Variants in MAGI2 observed in about 807,000 individuals in gnomAD.
MAGI2 encodes the protein membrane associated guanylate kinase, WW and PDZ domain containing 2, also known as membrane-associated guanylate kinase, WW and PDZ domain-containing protein 2.
Under a neutral mutation model 133.3 loss-of-function variants are expected in MAGI2, and 35 were observed. That is an observed-to-expected ratio of 0.26 (90% CI 0.20 to 0.35). The LOEUF is 0.35. Among genes scored for constraint, MAGI2 ranks in the 10% least tolerant of loss-of-function variants. MAGI2 has a pLI of 1.00. For missense variants in MAGI2, 1,636 were observed against 1,863.4 expected (o/e 0.88, Z 2.25); for synonymous variants, 729 against 710.6 (o/e 1.03, Z -0.41).
At chr7:79,319,627 A>G (rs1839017693) in intron 1 of MAGI2, among the ~76,000 whole-genome samples, 1 of 152,186 alleles carries the variant, frequency 6.6e-6, no homozygotes, top group Admixed American at 6.6e-5. Flanking sequence ...ATGACAAAGC[A>G]GAAAATATGA....
Position 78,622,735 on chromosome 7 carries a change from A to C in MAGI2, c.538+4385T>G, listed in dbSNP as rs139751445. On this transcript the variant is annotated intron_variant, in intron 3 of 21. Coordinates refer to ENST00000354212, the MANE Select transcript of MAGI2 (RefSeq NM_012301.4). ...GTTCCTCAGCTGTAGTTACAGGAAA[A>C]TCTGAAGATCCTGAGGTTTGAGAAC... Among the ~76,000 whole-genome samples, 280 of 152,164 alleles carry C rather than the reference A, an allele frequency of 1.8e-3. 2 individuals are homozygous for C. The highest frequency in any genetic ancestry group is 4.8e-3 in the African/African-American group (198 of 41,546).
intron 1 of MAGI2, among the ~76,000 whole-genome samples, chr7:79,083,814 G>A (rs1035769786): frequency 1.9e-4 from 29 of 151,332 alleles, no homozygotes; most frequent in African/African-American, 6.5e-4. Context: ...CTCTTTTTGG[G>A]GAGTTTTGTG....
chr7:79,154,832 C>T (rs1413700864), intron 1 of MAGI2, among the ~76,000 whole-genome samples: 8 of 152,150 alleles, frequency 5.3e-5, no homozygotes, highest in Non-Finnish European at 1.5e-5. Flanking sequence ...CTCTTTTACT[C>T]CTTTAAATGA....
intron 2 of MAGI2, among the ~76,000 whole-genome samples, chr7:78,665,233 T>G (rs562507005): frequency 1.1e-4 from 16 of 152,274 alleles, no homozygotes; most frequent in Admixed American, 9.8e-4. Flanking sequence ...ATCAAATTTT[T>G]TAAAAAGCTG....
intron 10 of MAGI2, among the ~76,000 whole-genome samples, chr7:78,209,083 G>A (rs963769516): frequency 3.7e-5 from 5 of 136,190 alleles, no homozygotes; most frequent in South Asian, 2.6e-4. Flanking sequence ...TTAGCCGGGC[G>A]TGGTGGCGGG....
chr7:78,644,629 T>C (rs1437949645), intron 2 of MAGI2, among the ~76,000 whole-genome samples: 1 of 152,068 alleles, frequency 6.6e-6, no homozygotes, highest in African/African-American at 2.4e-5. Context: ...ATATCAAAAT[T>C]AGTGGGATGT....
intron 1 of MAGI2, among the ~76,000 whole-genome samples, chr7:79,140,928 G>C (rs1036265436): frequency 2.6e-5 from 4 of 152,058 alleles, no homozygotes; most frequent in African/African-American, 9.7e-5. Context: ...CCTTTGGTTT[G>C]GTTATAGCAT....
At chr7:78,783,973 G>A (rs1318721074) in intron 2 of MAGI2, among the ~76,000 whole-genome samples, 1 of 152,108 alleles carries the variant, frequency 6.6e-6, no homozygotes, top group Non-Finnish European at 1.5e-5. Flanking sequence ...GACTGAGTCT[G>A]GGATATAGCC....
intron 9 of MAGI2, among the ~76,000 whole-genome samples, chr7:78,315,147 G>A (rs1256202134): frequency 2.0e-5 from 3 of 152,198 alleles, no homozygotes; most frequent in South Asian, 2.1e-4. Context: ...GTTTCCAAAT[G>A]TCCTAGTTAC....
intron 1 of MAGI2, among the ~76,000 whole-genome samples, chr7:79,150,903 T>G (rs951407109): frequency 3.9e-5 from 6 of 152,146 alleles, no homozygotes; most frequent in African/African-American, 1.2e-4. Context: ...TAAAATATCT[T>G]AAAATAAGTT....
At chr7:78,278,982 A>G (rs1054654911) in intron 9 of MAGI2, among the ~76,000 whole-genome samples, 2 of 152,198 alleles carry the variant, frequency 1.3e-5, no homozygotes, top group African/African-American at 4.8e-5. Context: ...TATTTATTAA[A>G]CTTATTGAAG....
intron 16 of MAGI2, among the ~76,000 whole-genome samples, chr7:78,144,697 G>C (rs1823113408): frequency 1.3e-5 from 2 of 152,044 alleles, no homozygotes; most frequent in Non-Finnish European, 2.9e-5. Context: ...GTGCCATCGT[G>C]GGGATTGTTG....
intron 6 of MAGI2, among the ~76,000 whole-genome samples, chr7:78,464,107 T>C (rs938859660): frequency 3.1e-4 from 47 of 152,142 alleles, no homozygotes; most frequent in Middle Eastern, 3.2e-3. Flanking sequence ...TTATCATAAT[T>C]ATTGCTATCT....
intron 20 of MAGI2, among the ~76,000 whole-genome samples, chr7:78,098,622 G>C (rs1427911892): frequency 6.6e-6 from 1 of 152,100 alleles, no homozygotes; most frequent in African/African-American, 2.4e-5. Flanking sequence ...CATAGCAGTG[G>C]AGTTGCTGAT....
At chr7:78,365,352 C>A (rs950723673) in intron 7 of MAGI2, among the ~76,000 whole-genome samples, 2 of 152,000 alleles carry the variant, frequency 1.3e-5, no homozygotes, top group African/African-American at 4.8e-5. Context: ...GGGATGGGTC[C>A]CAAAGCCTTG....
intron 1 of MAGI2, among the ~76,000 whole-genome samples, chr7:79,214,439 ATAT>A (rs1829824767): frequency 7.9e-6 from 1 of 125,886 alleles, no homozygotes; most frequent in African/African-American, 3.0e-5. Flanking sequence ...ATATATATAT[ATAT>A]AAATATGCAC....
chr7:78,543,401 T>C (rs1238546673), intron 3 of MAGI2, among the ~76,000 whole-genome samples: 2 of 152,196 alleles, frequency 1.3e-5, no homozygotes, highest in African/African-American at 2.4e-5. Context: ...ACAATTAAAA[T>C]TGGCACTCAG....
intron 1 of MAGI2, among the ~76,000 whole-genome samples, chr7:79,150,408 C>T (rs554542085): frequency 1.8e-4 from 28 of 152,242 alleles, no homozygotes; most frequent in African/African-American, 5.8e-4. Context: ...CCTCCATAGA[C>T]GTATTGCAGA....
chr7:78,085,294 T>C (rs7791394), intron 20 of MAGI2, among the ~76,000 whole-genome samples: 80,849 of 151,816 alleles, frequency 0.53, 21,636 homozygotes, highest in East Asian at 0.62. Flanking sequence ...TTTGGAAGGC[T>C]GAAGTGGGAG....
Sources: gnomAD v4.1 joint callset for allele counts (sites outside exome capture counted in the v4.1 genomes callset) on GRCh38, gnomAD v4.1.1 for gene constraint, MANE v1.5 for transcripts, NCBI Gene and HGNC (gene_info 2026-07-23, HGNC 2026-07-21) for gene names.